DEPTOR: variants seen among roughly 807,000 people sequenced by gnomAD.
The protein encoded by DEPTOR is DEP domain-containing mTOR-interacting protein.
In DEPTOR, 41 loss-of-function variants were observed where a neutral mutation model predicts 41.6. That is an observed-to-expected ratio of 0.98 (90% CI 0.77 to 1.28). The LOEUF is 1.28. Ranked by LOEUF, DEPTOR falls within the 50% of genes most tolerant of loss-of-function variation. The probability of loss-of-function intolerance (pLI) is 0.00; values close to 1 mark genes in which losing one functional copy is unlikely to be tolerated. For missense variants in DEPTOR, 514 were observed against 527.9 expected (o/e 0.97, Z 0.26); for synonymous variants, 195 against 192.3 (o/e 1.01, Z -0.12).
intron 3 of DEPTOR, among the ~76,000 whole-genome samples, chr8:119,957,591 T>C (rs1021079783): frequency 6.6e-6 from 1 of 150,778 alleles, no homozygotes; most frequent in African/African-American, 2.4e-5. Context: ...TCTTTCTTTC[T>C]TTCTTTTTTT....
At chr8:120,028,151 CT>C (rs1160621608) in intron 8 of DEPTOR, among the ~76,000 whole-genome samples, 1 of 151,416 alleles carries the variant, frequency 6.6e-6, no homozygotes, top group African/African-American at 2.4e-5. Context: ...AGATGATGTA[CT>C]TTTTTTTTCT....
chr8:119,935,733 A>G (rs574310978), intron 3 of DEPTOR, among the ~76,000 whole-genome samples: 1 of 150,286 alleles, frequency 6.7e-6, no homozygotes, highest in African/African-American at 2.5e-5. Flanking sequence ...AAAAAAAAAA[A>G]GAAAAGAAAA....
rs879669921 is a variant in DEPTOR at position 119,955,472 on chromosome 8, C to CT, written c.426-9749dup. On this transcript the variant is annotated intron_variant, in intron 3 of 8. Coordinates refer to ENST00000286234, the MANE Select transcript of DEPTOR (RefSeq NM_022783.4). ...CATTTTGACATAATTTTTTTCCTTT[C>CT]TTTTTTTTTTTGAGTCAAAGTTTCG... Among the ~76,000 whole-genome samples the CT allele has an allele frequency of 1.5e-3, 217 of 146,136 alleles. 1 individual carries two copies. Among genetic ancestry groups the CT allele is most frequent in the Non-Finnish European group, 1.8e-3 (117 of 65,978 alleles).
intron 1 of DEPTOR, among the ~76,000 whole-genome samples, chr8:119,923,943 G>T (rs1827931953): frequency 8.2e-6 from 1 of 122,566 alleles, no homozygotes; most frequent in Non-Finnish European, 1.7e-5. Flanking sequence ...ATAGCTGTTT[G>T]CTTTTCCCCA....
At chr8:120,044,728 T>C (rs370228057) in intron 8 of DEPTOR, among the ~76,000 whole-genome samples, 2 of 152,240 alleles carry the variant, frequency 1.3e-5, no homozygotes, top group Non-Finnish European at 2.9e-5. Context: ...ATATGACTTT[T>C]AGGACAATTT....
At chr8:119,949,732 T>C (rs979508797) in intron 3 of DEPTOR, among the ~76,000 whole-genome samples, 1 of 152,202 alleles carries the variant, frequency 6.6e-6, no homozygotes, top group African/African-American at 2.4e-5. Flanking sequence ...CTGGCTGGAG[T>C]GCAGTGGCGT....
intron 4 of DEPTOR, among the ~76,000 whole-genome samples, chr8:119,973,724 T>G (rs1828661511): frequency 6.6e-6 from 1 of 152,224 alleles, no homozygotes; most frequent in South Asian, 2.1e-4. Flanking sequence ...AATTTCCTGT[T>G]TTAGAACTTT....
At chr8:119,997,564 A>G (rs774955858) in intron 4 of DEPTOR, among the ~76,000 whole-genome samples, 2 of 152,198 alleles carry the variant, frequency 1.3e-5, no homozygotes, top group African/African-American at 2.4e-5. Flanking sequence ...ATGTAGAAAT[A>G]CCACTGAATT....
chr8:119,876,603 A>C (rs1322049632), intron 1 of DEPTOR, among the ~76,000 whole-genome samples: 1 of 151,304 alleles, frequency 6.6e-6, no homozygotes, highest in Non-Finnish European at 1.5e-5. Context: ...GTGCCACTGC[A>C]CTCCAGCCTG....
chr8:119,877,418 T>C (rs116644420), intron 1 of DEPTOR, among the ~76,000 whole-genome samples: 1,684 of 152,254 alleles, frequency 0.011, 31 homozygotes, highest in African/African-American at 0.038. Flanking sequence ...TATTGGAGGG[T>C]TGGAAGTTCA....
intron 4 of DEPTOR, among the ~76,000 whole-genome samples, chr8:119,989,557 T>G (rs757383218): frequency 1.3e-5 from 2 of 152,162 alleles, no homozygotes; most frequent in Non-Finnish European, 2.9e-5. Flanking sequence ...AAGTTTGCCT[T>G]GTCTAAGCCC....
At chr8:119,924,991 G>C (rs1827945715) in intron 1 of DEPTOR, among the ~76,000 whole-genome samples, 1 of 152,164 alleles carries the variant, frequency 6.6e-6, no homozygotes, top group African/African-American at 2.4e-5. Context: ...AGGTTTAATG[G>C]ACTGTCAGTT....
At chr8:119,991,022 G>A (rs1186844315) in intron 4 of DEPTOR, among the ~76,000 whole-genome samples, 2 of 71,964 alleles carry the variant, frequency 2.8e-5, no homozygotes, top group African/African-American at 4.5e-5. Context: ...AGTACAGCTC[G>A]GGTTTTCTTT....
At chr8:119,938,064 T>C (rs1042594683) in intron 3 of DEPTOR, among the ~76,000 whole-genome samples, 43 of 152,216 alleles carry the variant, frequency 2.8e-4, no homozygotes, top group Non-Finnish European at 4.3e-4. Context: ...ACAAAAGCTG[T>C]CAGTGCTTCT....
At chr8:119,988,698 A>G (rs890876339) in intron 4 of DEPTOR, among the ~76,000 whole-genome samples, 2 of 152,038 alleles carry the variant, frequency 1.3e-5, no homozygotes, top group Non-Finnish European at 2.9e-5. Context: ...GGACAGGCTG[A>G]TCTTGAATTC....
At chr8:119,964,634 T>A (rs1828533752) in intron 3 of DEPTOR, among the ~76,000 whole-genome samples, 1 of 152,098 alleles carries the variant, frequency 6.6e-6, no homozygotes, top group East Asian at 1.9e-4. Flanking sequence ...ACTAGCTTTT[T>A]CAGAATGGTA....
At chr8:120,028,754 T>C (rs1812840487) in intron 8 of DEPTOR, among the ~76,000 whole-genome samples, 1 of 150,394 alleles carries the variant, frequency 6.6e-6, no homozygotes. Context: ...TGAACCACCA[T>C]GCCCAGCCCC....
intron 7 of DEPTOR, 86 bp downstream of exon 7, chr8:120,006,961 A>C: frequency 8.0e-7 from 1 of 1,247,150 alleles, no homozygotes; most frequent in Non-Finnish European, 1.1e-6. Context: ...TATAGACTGA[A>C]ATGAAAACTA....
chr8:119,968,344 T>TG (rs1169399404), intron 4 of DEPTOR, among the ~76,000 whole-genome samples: 10 of 151,492 alleles, frequency 6.6e-5, no homozygotes, highest in African/African-American at 2.4e-4. Flanking sequence ...ATTTTTTTTT[T>TG]GGGACAGTTA....
Sources: allele counts gnomAD v4.1 joint callset (sites outside exome capture counted in the v4.1 genomes callset), GRCh38; gene constraint gnomAD v4.1.1; transcripts MANE v1.5; gene names NCBI Gene and HGNC (gene_info 2026-07-23, HGNC 2026-07-21).